Variants in LARGE1 observed in about 807,000 individuals in gnomAD.
LARGE1 encodes the protein LARGE xylosyl- and glucuronyltransferase 1.
Under a neutral mutation model 87.6 loss-of-function variants are expected in LARGE1, and 43 were observed. The observed-to-expected ratio is 0.49, with a 90% CI of 0.38 to 0.63. The LOEUF (loss-of-function observed/expected upper bound fraction) is 0.63. LARGE1 is among the 30% of genes least tolerant of loss of function. The pLI is 0.00. For missense variants in LARGE1, 802 were observed against 1,000.2 expected, an observed-to-expected ratio of 0.80 and a Z score of 2.67; for synonymous variants, 434 against 394.6, an observed-to-expected ratio of 1.10 and a Z score of -1.18.
At chr22:33,506,485 G>A (rs924269869) in intron 6 of LARGE1, among the ~76,000 whole-genome samples, 29 of 152,206 alleles carry the variant, frequency 1.9e-4, no homozygotes, top group African/African-American at 7.0e-4. Flanking sequence ...AGCTGAGAAA[G>A]GGGCATGGAG....
intron 2 of LARGE1, among the ~76,000 whole-genome samples, chr22:33,759,683 A>G (rs887085961): frequency 6.6e-6 from 1 of 152,158 alleles, no homozygotes; most frequent in Non-Finnish European, 1.5e-5. Context: ...AGCTTAGTTA[A>G]AAGTCAATGT....
chr22:33,415,881 C>T (rs994770641), intron 7 of LARGE1, among the ~76,000 whole-genome samples: 3 of 152,200 alleles, frequency 2.0e-5, no homozygotes, highest in African/African-American at 7.2e-5. Flanking sequence ...GTTTAAGAAC[C>T]TTCCAGCTTG....
chr22:33,325,335 T>C (rs764435524), intron 10 of LARGE1, among the ~76,000 whole-genome samples: 5 of 152,262 alleles, frequency 3.3e-5, no homozygotes, highest in Non-Finnish European at 7.3e-5. Flanking sequence ...GATACAGCTC[T>C]GGCCACTGGA....
At chr22:33,466,326 C>A (rs985719431) in intron 6 of LARGE1, among the ~76,000 whole-genome samples, 1 of 151,648 alleles carries the variant, frequency 6.6e-6, no homozygotes, top group Non-Finnish European at 1.5e-5. Flanking sequence ...TCTTTGTTGC[C>A]TTCTAATGCC....
chr22:33,235,646 T>C (rs2145671035), intron 11 of LARGE1, among the ~76,000 whole-genome samples: 1 of 152,284 alleles, frequency 6.6e-6, no homozygotes, highest in South Asian at 2.1e-4. Context: ...TTCCCCTACG[T>C]GTAGCCTCTC....
In LARGE1 at chr22:33,429,564, G is replaced by A. The variant is rs533131242; in HGVS notation, c.892+2597C>T. On this transcript the variant is annotated intron_variant, in intron 7 of 14. Coordinates refer to ENST00000397394, the MANE Select transcript of LARGE1 (RefSeq NM_133642.5). Reference sequence around the variant, plus strand: ...ACATTCTTCTTCTCTCTGCAAACCCGGATTGATGACCAGCGGCTTTTGTTT... The same window carrying A: ...ACATTCTTCTTCTCTCTGCAAACCCAGATTGATGACCAGCGGCTTTTGTTT... 1.1e-4 allele frequency among the ~76,000 whole-genome samples: 17 copies of A among 152,234 alleles called. No individual in the cohort carries two copies. In the South Asian group the frequency reaches 3.3e-3, roughly 30 times the overall value.
intron 2 of LARGE1, among the ~76,000 whole-genome samples, chr22:33,680,815 A>T (rs2081744184): frequency 6.6e-6 from 1 of 152,194 alleles, no homozygotes; most frequent in African/African-American, 2.4e-5. Context: ...TTAGGAAAAA[A>T]AAAAAACTGA....
chr22:33,307,857 C>T (rs1935113104), intron 11 of LARGE1, among the ~76,000 whole-genome samples: 1 of 151,864 alleles, frequency 6.6e-6, no homozygotes, highest in Non-Finnish European at 1.5e-5. Context: ...CAACCTCTAC[C>T]TCCTAGGTTC....
At chr22:33,118,628 T>A in the LARGE1 span, among the ~76,000 whole-genome samples, 1 of 151,876 alleles carries the variant, frequency 6.6e-6, no homozygotes, top group Non-Finnish European at 1.5e-5. Flanking sequence ...AAATAGGTAG[T>A]GGCGGTCCTC....
At chr22:33,283,014 G>A (rs1338105256) in intron 13 of LARGE1, among the ~76,000 whole-genome samples, 188 bp downstream of exon 13, 1 of 152,150 alleles carries the variant, frequency 6.6e-6, no homozygotes, top group East Asian at 1.9e-4. Flanking sequence ...AAAAGTACAT[G>A]GCACGTACCG....
chr22:33,890,785 T>G (rs1009411017), intron 1 of LARGE1, among the ~76,000 whole-genome samples: 7 of 143,970 alleles, frequency 4.9e-5, no homozygotes, highest in East Asian at 2.2e-4. Flanking sequence ...GAGGTCATAA[T>G]TTTGGGGTGG....
chr22:33,840,280 T>C (rs1317986903), intron 1 of LARGE1, among the ~76,000 whole-genome samples: 7 of 152,138 alleles, frequency 4.6e-5, no homozygotes, highest in East Asian at 1.9e-4. Flanking sequence ...ATAGAATCCA[T>C]GCATAAAAAG....
chr22:33,824,307 G>A (rs1292632496), intron 1 of LARGE1, among the ~76,000 whole-genome samples: 1 of 152,180 alleles, frequency 6.6e-6, no homozygotes, highest in African/African-American at 2.4e-5. Context: ...TGGCTGGGAA[G>A]CCTCAGGAAA....
chr22:33,330,951 T>C (rs925377983), intron 10 of LARGE1, among the ~76,000 whole-genome samples: 1 of 152,226 alleles, frequency 6.6e-6, no homozygotes, highest in African/African-American at 2.4e-5. Flanking sequence ...AGAGCAAATG[T>C]GACACCCTCT....
At chr22:33,515,974 G>T (rs1281522322) in intron 6 of LARGE1, among the ~76,000 whole-genome samples, 1 of 152,218 alleles carries the variant, frequency 6.6e-6, no homozygotes, top group East Asian at 1.9e-4. Context: ...CCGGGAGTGA[G>T]CAACGCCACC....
At chr22:33,591,116 G>A (rs1160723544) in intron 5 of LARGE1, among the ~76,000 whole-genome samples, 4 of 152,212 alleles carry the variant, frequency 2.6e-5, no homozygotes, top group African/African-American at 4.8e-5. Flanking sequence ...CAGAAGAATC[G>A]CTTGAACCCG....
chr22:33,333,262 C>T (rs1345797860), intron 10 of LARGE1, among the ~76,000 whole-genome samples: 1 of 152,162 alleles, frequency 6.6e-6, no homozygotes, highest in African/African-American at 2.4e-5. Context: ...TCATGATCCG[C>T]CCACCTCAGC....
intron 11 of LARGE1, among the ~76,000 whole-genome samples, chr22:33,313,258 CCTT>C (rs1935801385): frequency 6.6e-6 from 1 of 152,172 alleles, no homozygotes; most frequent in African/African-American, 2.4e-5. Context: ...CTCCTTCTCT[CCTT>C]CTGTGCCTTC....
chr22:33,199,754 A>ACT (rs1443836662), intron 11 of LARGE1, among the ~76,000 whole-genome samples: 1 of 152,076 alleles, frequency 6.6e-6, no homozygotes, highest in African/African-American at 2.4e-5. Context: ...TGTTTTAGTT[A>ACT]CTATAGCCTT....
Sources: allele counts gnomAD v4.1 joint callset (sites outside exome capture counted in the v4.1 genomes callset), GRCh38; gene constraint gnomAD v4.1.1; transcripts MANE v1.5; gene names NCBI Gene and HGNC (gene_info 2026-07-23, HGNC 2026-07-21).